Variants in RNF126 observed in about 807,000 individuals in gnomAD.
The protein encoded by RNF126 is ring finger protein 126, also known as E3 ubiquitin-protein ligase RNF126.
A neutral mutation model predicts 41.9 loss-of-function variants in RNF126; 20 were observed. That is an observed-to-expected ratio of 0.48 (90% CI 0.34 to 0.69). RNF126 has a LOEUF of 0.69. RNF126 is among the 30% of genes least tolerant of loss of function. RNF126 has a pLI of 0.01. For synonymous variants in RNF126, 239 were observed against 202.9 expected, an observed-to-expected ratio of 1.18 and a Z score of -1.51; for missense variants, 433 against 460.6, an observed-to-expected ratio of 0.94 and a Z score of 0.55.
intron 1 of RNF126, among the ~76,000 whole-genome samples, chr19:661,631 C>A (rs566057866): frequency 6.6e-6 from 1 of 152,300 alleles, no homozygotes; most frequent in East Asian, 1.9e-4. Flanking sequence ...AACTCTAGCA[C>A]TCGCTCCTCC....
At chr19:649,554 G>C (rs1483900107) in intron 6 of RNF126, 125 bp downstream of exon 6, 1 of 728,570 alleles carries the variant, frequency 1.4e-6, no homozygotes, top group Non-Finnish European at 2.3e-6. Flanking sequence ...CCAGAGCGTG[G>C]AGGCTGTGCC....
chr19:648,102 G>A lies in RNF126; in HGVS notation c.*26C>T, dbSNP rs1292619642. The A allele has an allele frequency of 9.7e-6, 15 of 1,543,774 alleles. No homozygotes were observed. Among genetic ancestry groups the A allele is most frequent in the South Asian group, 6.2e-5 (5 of 80,038 alleles). Reference sequence around the variant, plus strand: ...GCTGAGGGTGGGTGGGAAAGGCCCCGTGCTTTCCCGACGGCCGACGTGGGC... The same window carrying A: ...GCTGAGGGTGGGTGGGAAAGGCCCCATGCTTTCCCGACGGCCGACGTGGGC... On this transcript the variant is annotated 3_prime_UTR_variant, in exon 9 of 9. Transcript: ENST00000292363.
At chr19:656,722 G>C (rs1024685998) in intron 1 of RNF126, among the ~76,000 whole-genome samples, 10 of 152,208 alleles carry the variant, frequency 6.6e-5, no homozygotes, top group African/African-American at 2.4e-4. Flanking sequence ...GCTTAGTGTG[G>C]GAGCAGTGTG....
chr19:652,973 C>T, intron 1 of RNF126, 89 bp from the exon 2 acceptor site: 1 of 1,281,064 alleles, frequency 7.8e-7, no homozygotes, highest in Non-Finnish European at 1.1e-6. Context: ...GCTCCGGACC[C>T]AGCGGTCTCT....
Position 648,214 on chromosome 19 carries a change from CA to C in RNF126, c.849del (p.Gly284AlafsTer5). ...LTGQNTATNP[P>X]GLTGVSFSSS... is the part of the protein sequence containing the mutation. ...GAGGAGAAGCTCACCCCAGTGAGGC[CA>C]GGGGGGTTCGTGGCCGTGTTCTGTC... On this transcript the variant is annotated frameshift_variant, in exon 9 of 9. Transcript: ENST00000292363. LOFTEE classifies it high-confidence loss of function. The C allele has an allele frequency of 6.2e-7, 1 of 1,604,116 alleles. No individual in the cohort carries two copies. The highest frequency in any genetic ancestry group is 8.5e-7 in the Non-Finnish European group (1 of 1,175,588).
chr19:653,248 C>T (rs2030409336), intron 1 of RNF126, among the ~76,000 whole-genome samples: 1 of 152,166 alleles, frequency 6.6e-6, no homozygotes, highest in Admixed American at 6.5e-5. Context: ...AGGGGTGCCC[C>T]AATACCCCAC....
intron 2 of RNF126, 141 bp from the exon 3 acceptor site, chr19:652,437 G>A (rs1186259216): frequency 2.6e-5 from 20 of 759,510 alleles, no homozygotes; most frequent in Non-Finnish European, 6.3e-6. Context: ...CCAGCATTTG[G>A]TGCCGTAACC....
chr19:662,462 C>T (rs979404939), intron 1 of RNF126, among the ~76,000 whole-genome samples: 1 of 152,174 alleles, frequency 6.6e-6, no homozygotes, highest in Non-Finnish European at 1.5e-5. Context: ...GGGCCGCGGT[C>T]GGACCCCGGG....
chr19:649,915 G>C (rs1442888524), intron 5 of RNF126, among the ~76,000 whole-genome samples, 167 bp from the exon 6 acceptor site: 1 of 145,740 alleles, frequency 6.9e-6, no homozygotes, highest in Non-Finnish European at 1.5e-5. Context: ...CACTCACCAG[G>C]GGCCCAGGCT....
rs763834894 is a variant in RNF126, at chr19:648,954, T to C, written c.598A>G (p.Thr200Ala). 8 of 1,425,446 alleles carry C rather than the reference T, an allele frequency of 5.6e-6. No homozygotes were observed. The highest frequency in any genetic ancestry group is 1.5e-5 in the African/African-American group (1 of 68,300). The allele number at this position is 1,425,446 out of a possible 1,614,324, so 88.3% of individuals were successfully genotyped here. Reference sequence around the variant, plus strand: ...TCTTTATCTGCCGGTGGGGGGCCTGTGTTTTCAAACTGATTGAGGAGCTGA... The same window carrying C: ...TCTTTATCTGCCGGTGGGGGGCCTGCGTTTTCAAACTGATTGAGGAGCTGA... ...ITQLLNQFENTGPPPADKEKI... is the reference protein window; with the variant it reads ...ITQLLNQFENAGPPPADKEKI... The change falls in exon 7 of 9, where the codon ACA becomes GCA. Residue 200 changes from threonine (T) to alanine (A), a missense_variant. Physicochemically the swap from Thr to Ala is moderately conservative, Grantham distance 58 (BLOSUM62 0). Coordinates refer to ENST00000292363, the MANE Select transcript of RNF126 (RefSeq NM_194460.3).
chr19:660,068 T>C (rs997591287), intron 1 of RNF126, among the ~76,000 whole-genome samples: 23 of 152,294 alleles, frequency 1.5e-4, no homozygotes, highest in African/African-American at 5.5e-4. Flanking sequence ...CTCGGCCTCA[T>C]CACAGCCTTT....
intron 1 of RNF126, among the ~76,000 whole-genome samples, chr19:656,793 G>A (rs2030579097): frequency 6.6e-6 from 1 of 152,206 alleles, no homozygotes; most frequent in African/African-American, 2.4e-5. Context: ...TGTGTTTGGG[G>A]TGTCGGGATT....
chr19:648,346 G>A (rs1467698200), intron 8 of RNF126, 26 bp downstream of exon 8: 11 of 586,104 alleles, frequency 1.9e-5, no homozygotes, highest in Non-Finnish European at 2.8e-5. Flanking sequence ...GGTCGGGGTG[G>A]GGGGGCGGGT....
At position 657,782 on chromosome 19, in the gene RNF126, G is replaced by C. The variant is rs754682446; in HGVS notation, c.76-4898C>G. Among the ~76,000 whole-genome samples the C allele has an allele frequency of 2.6e-5, 4 of 152,354 alleles. No homozygotes were observed. In the South Asian group the frequency reaches 6.2e-4, roughly 24 times the overall value. The stretch of plus-strand genomic sequence containing the variant: ...CAGGGCCACCGAAGGCCGGAACCGA[G>C]GCTCTGGTCACGAAGGCAAGTGACA... On this transcript the variant is annotated intron_variant, in intron 1 of 8. Coordinates refer to ENST00000292363, the MANE Select transcript of RNF126 (RefSeq NM_194460.3).
chr19:648,797 T>C lies in RNF126; in HGVS notation c.670+85A>G, dbSNP rs1399836153. On this transcript the variant is annotated intron_variant, in intron 7 of 8. Coordinates refer to ENST00000292363, the MANE Select transcript of RNF126 (RefSeq NM_194460.3). ...CTGCCTGACCAACATGGTGAAACCC[T>C]GTCTCTACTGAAAATACAAGTATGA... 1.3e-5 allele frequency: 11 copies of C among 831,256 alleles called. No individual in the cohort carries two copies. In the East Asian group the frequency reaches 1.4e-4, roughly 10 times the overall value. 51.5% of individuals were successfully genotyped at this position (831,256 alleles called of 1,614,324 possible). A position where few individuals can be genotyped will look rare whatever the true frequency, so the allele number is the denominator to read the frequency against.
intron 4 of RNF126, 25 bp from the exon 5 acceptor site, chr19:650,321 G>A (rs1397261953): frequency 2.6e-6 from 4 of 1,563,406 alleles, no homozygotes; most frequent in Non-Finnish European, 3.5e-6. Flanking sequence ...GCCAGTCACG[G>A]GGTGAGGCCG....
intron 1 of RNF126, among the ~76,000 whole-genome samples, chr19:660,889 C>T (rs1407303341): frequency 1.3e-5 from 2 of 152,252 alleles, no homozygotes; most frequent in Non-Finnish European, 2.9e-5. Context: ...TTGTTGCGTC[C>T]TGCTCCAAAG....
rs888338218 is a variant in RNF126 at position 659,295 on chromosome 19, C to T, written c.75+3752G>A. 6.6e-6 allele frequency among the ~76,000 whole-genome samples: 1 copy of T among 152,198 alleles called. No homozygotes were observed. Among genetic ancestry groups the T allele is most frequent in the Non-Finnish European group, 1.5e-5 (1 of 68,022 alleles). ...GGGGGCAGCTGGGGAGACTTCCCGC[C>T]TGGCCCCATCAGTGACACTGGCCGT... is the stretch of plus-strand genomic sequence containing the variant. On this transcript the variant is annotated intron_variant, in intron 1 of 8. Transcript: ENST00000292363. The surrounding 1 kb of genome is among the most constrained non-coding windows in gnomAD (Gnocchi z 4.9).
intron 3 of RNF126, 137 bp from the exon 4 acceptor site, chr19:651,992 G>T: frequency 1.2e-6 from 1 of 806,194 alleles, no homozygotes; most frequent in Non-Finnish European, 1.9e-6. Flanking sequence ...AGACAGGGAG[G>T]CAGGAATTGG....
Sources: allele counts gnomAD v4.1 joint callset (sites outside exome capture counted in the v4.1 genomes callset), GRCh38; gene constraint gnomAD v4.1.1; non-coding constraint Gnocchi (gnomAD v3.1); transcripts MANE v1.5; gene names NCBI Gene and HGNC (gene_info 2026-07-23, HGNC 2026-07-21).